Variants in SPATA6L observed in about 807,000 individuals in gnomAD.
SPATA6L encodes the protein spermatogenesis associated 6 like.
SPATA6L carries 68 observed loss-of-function variants against 49.2 expected under a neutral mutation model. The observed-to-expected ratio is 1.38, with a 90% confidence interval of 1.14 to 1.69. The LOEUF is 1.69. Among genes scored for constraint, SPATA6L ranks in the 40% most tolerant of loss-of-function variants. The pLI is 0.00. For missense variants in SPATA6L, 668 were observed against 464.3 expected, an observed-to-expected ratio of 1.44 and a Z score of -4.03; for synonymous variants, 198 against 165.7, an observed-to-expected ratio of 1.19 and a Z score of -1.50.
rs181695613 is a variant in SPATA6L at position 4,661,976 on chromosome 9, T to G, written c.100A>C (p.Met34Leu). 6.2e-7 allele frequency: 1 copy of G among 1,613,946 alleles called. No individual in the cohort carries two copies. The highest frequency in any genetic ancestry group is 8.5e-7 in the Non-Finnish European group (1 of 1,179,988). Reference sequence around the variant, plus strand: ...CTGTTGGTCTCCAGGTACTGATTCATGAGGTAGACCCCGAGGTACACATCT... The same window carrying G: ...CTGTTGGTCTCCAGGTACTGATTCAGGAGGTAGACCCCGAGGTACACATCT... ...KQDVYLGVYLMNQYLETNSFP... is the reference protein window; with the variant it reads ...KQDVYLGVYLLNQYLETNSFP... The change falls in exon 2 of 12, where the codon ATG becomes CTG. Residue 34 changes from methionine (M) to leucine (L), a missense_variant. By Grantham distance (15) the Met-to-Leu change is conservative. Transcript: ENST00000682582.
intron 3 of SPATA6L, among the ~76,000 whole-genome samples, chr9:4,636,858 A>G (rs1324936697): frequency 2.6e-5 from 4 of 152,166 alleles, no homozygotes; most frequent in Admixed American, 1.3e-4. Flanking sequence ...CGCTCCAGCC[A>G]CAATGGATTG....
chr9:4,594,358 C>A (rs771295298), downstream of SPATA6L, among the ~76,000 whole-genome samples: 2 of 152,218 alleles, frequency 1.3e-5, no homozygotes, highest in Non-Finnish European at 2.9e-5. Flanking sequence ...TACAGGCGCC[C>A]GCCAGCATGC....
chr9:4,600,359 G>C lies in SPATA6L; in HGVS notation c.*452C>G, dbSNP rs1000651785. On this transcript the variant is annotated 3_prime_UTR_variant, in exon 12 of 12. Coordinates refer to ENST00000682582, the MANE Select transcript of SPATA6L (RefSeq NM_001353486.2). ...AAATAAACAAACAACAACAAAAACG[G>C]ATCTACCGAAAAGAGAAAGTCAGGT... is the stretch of plus-strand genomic sequence containing the variant. 6.6e-6 allele frequency among the ~76,000 whole-genome samples: 1 copy of C among 152,090 alleles called. No homozygotes were observed. Among genetic ancestry groups the C allele is most frequent in the African/African-American group, 2.4e-5 (1 of 41,384 alleles).
At chr9:4,619,196 C>T (rs201339566) in intron 7 of SPATA6L, among the ~76,000 whole-genome samples, 11 of 133,088 alleles carry the variant, frequency 8.3e-5, no homozygotes, top group South Asian at 4.8e-4. Flanking sequence ...CTCACACTGT[C>T]GCCCAGGCTG....
In SPATA6L at chr9:4,625,408, G is replaced by A. The variant is rs930338390; in HGVS notation, c.588C>T (p.Phe196=). 4.2e-5 allele frequency: 67 copies of A among 1,613,970 alleles called. No homozygotes were observed. The highest frequency in any genetic ancestry group is 5.2e-5 in the Non-Finnish European group (61 of 1,180,024). ...APSQYSTRHF[F]QDQPAQLNLG... is the part of the protein sequence containing the mutation. ...GGTTCAACTGAGCTGGCTGGTCCTG[G>A]AAGAAATGCCTGGTAGAATATTGAG... Residue 196 remains phenylalanine (F), a synonymous_variant, in exon 6 of 12, where the codon TTC becomes TTT. Transcript: ENST00000682582.
chr9:4,627,678 G>T, intron 5 of SPATA6L: 6 of 1,206,542 alleles, frequency 5.0e-6, no homozygotes, highest in Non-Finnish European at 6.5e-6. Context: ...GGGTGAGGGA[G>T]GCAGACACTA....
rs1320213091 is a variant in SPATA6L, at chr9:4,644,182, GCAAAAA to G, written c.227-8789_227-8784del. Among the ~76,000 whole-genome samples the G allele has an allele frequency of 5.1e-3, 254 of 49,362 alleles. 1 individual carries two copies. Among genetic ancestry groups the G allele is most frequent in the South Asian group, 0.026 (33 of 1,250 alleles). The allele number at this position is 49,362 out of a possible 152,430, so 32.4% of individuals were successfully genotyped here. A position where few individuals can be genotyped will look rare whatever the true frequency, so the allele number is the denominator to read the frequency against. On this transcript the variant is annotated intron_variant, in intron 3 of 11. Transcript: ENST00000682582. ...GGCAACATAGTAAGATGCCATCTCTGCAAAAAAAAAAAAAAAAAAAAAAAAAAAAAA... is the reference window on the plus strand; with the variant it reads ...GGCAACATAGTAAGATGCCATCTCTGAAAAAAAAAAAAAAAAAAAAAAAAA...
At chr9:4,625,272 C>T in intron 6 of SPATA6L, 55 bp downstream of exon 6, 3 of 1,544,340 alleles carry the variant, frequency 1.9e-6, no homozygotes, top group South Asian at 1.3e-5. Flanking sequence ...TTTCTTCCAC[C>T]CTCATCCATA....
At chr9:4,654,256 T>G (rs1837579927) in intron 3 of SPATA6L, among the ~76,000 whole-genome samples, 1 of 152,210 alleles carries the variant, frequency 6.6e-6, no homozygotes. Context: ...TTTAAAAGGT[T>G]AAACATACAG....
chr9:4,650,495 A>C (rs187003150), intron 3 of SPATA6L, among the ~76,000 whole-genome samples: 2 of 152,344 alleles, frequency 1.3e-5, no homozygotes, highest in Admixed American at 1.3e-4. Flanking sequence ...TAGAAAACAG[A>C]AAAGCAACAC....
intron 3 of SPATA6L, among the ~76,000 whole-genome samples, chr9:4,637,864 G>T (rs193233332): frequency 3.3e-5 from 5 of 152,282 alleles, no homozygotes; most frequent in Admixed American, 6.5e-5. Context: ...CCCTCTTGGA[G>T]ACTCAGTTTC....
Position 4,621,137 on chromosome 9 carries a change from G to C in SPATA6L, c.772+1271C>G, listed in dbSNP as rs150630607. ...ATAGAAAGTCCAGTACTACCAGCAGGCAAGAGAATGGACCACCACCATTCC... is the reference window on the plus strand; with the variant it reads ...ATAGAAAGTCCAGTACTACCAGCAGCCAAGAGAATGGACCACCACCATTCC... On this transcript the variant is annotated intron_variant, in intron 7 of 11. Transcript: ENST00000682582. Among the ~76,000 whole-genome samples the C allele has an allele frequency of 3.7e-4, 57 of 152,280 alleles. 2 individuals carry two copies. The highest frequency in any genetic ancestry group is 3.4e-3 in the Admixed American group (52 of 15,300).
In SPATA6L at chr9:4,599,730, T is replaced by A. The variant is rs948083502; in HGVS notation, c.*1081A>T. 5.3e-5 allele frequency among the ~76,000 whole-genome samples: 8 copies of A among 152,192 alleles called. No individual in the cohort carries two copies. Among genetic ancestry groups the A allele is most frequent in the Non-Finnish European group, 8.8e-5 (6 of 68,036 alleles). On this transcript the variant is annotated 3_prime_UTR_variant, in exon 12 of 12. Transcript: ENST00000682582. The stretch of plus-strand genomic sequence containing the variant: ...CTTGAGCCTATTTATAGGGCACTAA[T>A]CTCATTTATGAGGGGTCCACCCTCA...
intron 8 of SPATA6L, 146 bp downstream of exon 8, chr9:4,618,718 G>A: frequency 1.3e-6 from 1 of 755,318 alleles, no homozygotes. Context: ...ATGGAGTCTG[G>A]GCACATCTTC....
intron 11 of SPATA6L, 69 bp downstream of exon 11, chr9:4,604,110 A>T (rs1824083991): frequency 9.6e-7 from 1 of 1,037,234 alleles, no homozygotes; most frequent in Non-Finnish European, 1.4e-6. Context: ...GATAGGAGGA[A>T]ACTGAAATTC....
rs1824127826 is a variant in SPATA6L, at chr9:4,604,227, T to G, written c.1132A>C (p.Ser378Arg). The G allele has an allele frequency of 6.2e-7, 1 of 1,612,394 alleles. No individual in the cohort carries two copies. Among genetic ancestry groups the G allele is most frequent in the Admixed American group, 1.7e-5 (1 of 59,878 alleles). Residue 378 changes from serine (S) to arginine (R), a missense_variant, in exon 11 of 12, where the codon AGC becomes CGC. Ser to Arg is a moderately radical substitution (Grantham distance 110). Coordinates refer to ENST00000682582, the MANE Select transcript of SPATA6L (RefSeq NM_001353486.2). Reference protein sequence around the residue: ...SEVNYIIERPSYPLKKYSLHE... With the variant: ...SEVNYIIERPRYPLKKYSLHE... ...AGTGAGTATTTCTTCAGAGGGTAGC[T>G]TGGTCTTTCAATGATATAATTTACT...
downstream of SPATA6L, among the ~76,000 whole-genome samples, chr9:4,597,205 C>T (rs931644579): frequency 6.6e-6 from 1 of 152,002 alleles, no homozygotes; most frequent in Non-Finnish European, 1.5e-5. Flanking sequence ...GTAAGCCTAG[C>T]ATTTTGGGAG....
At chr9:4,601,691 G>A (rs1256306313) in intron 11 of SPATA6L, among the ~76,000 whole-genome samples, 4 of 152,172 alleles carry the variant, frequency 2.6e-5, no homozygotes, top group African/African-American at 9.7e-5. Context: ...GGGAGGGACA[G>A]GAATTGGTGC....
chr9:4,636,849 G>A (rs897112423), intron 3 of SPATA6L, among the ~76,000 whole-genome samples: 3 of 152,012 alleles, frequency 2.0e-5, no homozygotes, highest in South Asian at 2.1e-4. Flanking sequence ...TCCCAGCCAC[G>A]CTCCAGCCAC....
Sources: allele counts gnomAD v4.1 joint callset (sites outside exome capture counted in the v4.1 genomes callset), GRCh38; gene constraint gnomAD v4.1.1; transcripts MANE v1.5; gene names NCBI Gene and HGNC (gene_info 2026-07-23, HGNC 2026-07-21).